Variants in SARM1 observed in about 807,000 individuals in gnomAD.
SARM1 encodes NAD(+) hydrolase SARM1.
In SARM1, 60 loss-of-function variants were observed where a neutral mutation model predicts 65.1. The ratio of observed to expected loss-of-function variants is 0.92; its 90% CI spans 0.75 to 1.14. The LOEUF is 1.14. SARM1 is among the 50% of genes most tolerant of loss of function. The probability of loss-of-function intolerance (pLI) is 0.00; values close to 1 mark genes in which losing one functional copy is unlikely to be tolerated. For synonymous variants in SARM1, 417 were observed against 465.4 expected, an observed-to-expected ratio of 0.90 and a Z score of 1.34; for missense variants, 913 against 1,015.7, an observed-to-expected ratio of 0.90 and a Z score of 1.37.
chr17:28,377,199 G>A (rs995814218), intron 1 of SARM1, among the ~76,000 whole-genome samples: 13 of 152,210 alleles, frequency 8.5e-5, no homozygotes, highest in Non-Finnish European at 1.8e-4. Flanking sequence ...CTGGAGACAG[G>A]CAGATCTGGG....
At chr17:28,382,979 C>T (rs1555585506) in intron 2 of SARM1, among the ~76,000 whole-genome samples, 2 of 152,194 alleles carry the variant, frequency 1.3e-5, no homozygotes, top group African/African-American at 4.8e-5. Context: ...GTGCATACCC[C>T]ATGACCCACC....
In SARM1 at chr17:28,381,534, C is replaced by T; in HGVS notation, c.802C>T (p.Leu268=). Residue 268 remains leucine, a synonymous_variant, in exon 2 of 9, where the codon CTG becomes TTG. Transcript: ENST00000585482. ...AFSKEDELLR[L]HACLAVAVLA... is the part of the protein sequence containing the mutation. ...CTCCAAGGAGGACGAGCTGCTTCGG[C>T]TGCACGCCTGCCTCGCAGTAGCGGT... The T allele has an allele frequency of 6.3e-7, 1 of 1,577,946 alleles. No homozygotes were observed. The highest frequency in any genetic ancestry group is 8.6e-7 in the Non-Finnish European group (1 of 1,163,224).
chr17:28,393,088 T>C (rs1555587138), intron 7 of SARM1, among the ~76,000 whole-genome samples: 1 of 152,188 alleles, frequency 6.6e-6, no homozygotes, highest in Non-Finnish European at 1.5e-5. Context: ...CGCTTTGAGG[T>C]AGGTTTTATT....
chr17:28,381,934 G>C (rs144619728), intron 2 of SARM1, 113 bp downstream of exon 2: 1 of 1,274,692 alleles, frequency 7.8e-7, no homozygotes, highest in Non-Finnish European at 1.0e-6. Context: ...ATTAGATGAA[G>C]CAAGACAAAG....
In SARM1 at chr17:28,372,629, G is replaced by A. The variant is rs1485221900; in HGVS notation, c.470+127G>A. 4.4e-6 allele frequency: 3 copies of A among 678,324 alleles called. No homozygotes were observed. Among genetic ancestry groups the A allele is most frequent in the Non-Finnish European group, 7.1e-6 (3 of 425,054 alleles). 42.0% of individuals were successfully genotyped at this position (678,324 alleles called of 1,614,324 possible). A position where few individuals can be genotyped will look rare whatever the true frequency, so the allele number is the denominator to read the frequency against. On this transcript the variant is annotated intron_variant, in intron 1 of 8. Transcript: ENST00000585482. This position sits in a 1 kb window ranked among gnomAD's most constrained non-coding sequence, Gnocchi z 5.2. ...CTCTGACTGCCTGCACTACATCTCTGTTAGGGGTCAGCCTGTCTGTTTCAC... is the reference window on the plus strand; with the variant it reads ...CTCTGACTGCCTGCACTACATCTCTATTAGGGGTCAGCCTGTCTGTTTCAC...
intron 7 of SARM1, among the ~76,000 whole-genome samples, chr17:28,391,242 G>A (rs1938254403): frequency 6.6e-6 from 1 of 152,178 alleles, no homozygotes; most frequent in Non-Finnish European, 1.5e-5. Flanking sequence ...TGATTGGCTG[G>A]TTGGGTTTTC....
At chr17:28,395,872 G>A (rs782759801) in intron 7 of SARM1, 33 bp from the exon 8 acceptor site, 13 of 1,611,518 alleles carry the variant, frequency 8.1e-6, no homozygotes, top group Non-Finnish European at 1.1e-5. Context: ...GATGGGTACA[G>A]GGGTATCTTC....
intron 7 of SARM1, 77 bp from the exon 8 acceptor site, chr17:28,395,828 C>T: frequency 6.4e-7 from 1 of 1,574,690 alleles, no homozygotes; most frequent in Non-Finnish European, 8.7e-7. Flanking sequence ...GGCCAGTGGG[C>T]CTCCCAGCAC....
intron 2 of SARM1, among the ~76,000 whole-genome samples, chr17:28,382,310 G>A (rs1188006321): frequency 2.6e-5 from 4 of 152,164 alleles, no homozygotes; most frequent in African/African-American, 9.7e-5. Context: ...AGTGAACTGG[G>A]TGAGAGACAA....
At chr17:28,390,615 A>G (rs2142436199) in intron 7 of SARM1, among the ~76,000 whole-genome samples, 1 of 152,242 alleles carries the variant, frequency 6.6e-6, no homozygotes, top group South Asian at 2.1e-4. Context: ...ACCTCCTCCG[A>G]TAAGACTTTA....
intron 1 of SARM1, chr17:28,374,262 G>A (rs1273259409): frequency 2.5e-5 from 3 of 121,916 alleles, no homozygotes; most frequent in African/African-American, 9.5e-5. Flanking sequence ...CACGCTGGAT[G>A]ACAGAGCAAG....
At chr17:28,378,871 A>G (rs1299893784) in intron 1 of SARM1, among the ~76,000 whole-genome samples, 1 of 151,946 alleles carries the variant, frequency 6.6e-6, no homozygotes, top group African/African-American at 2.4e-5. Flanking sequence ...TGCCCAGGCT[A>G]TGTTGTCCAG....
Position 28,396,276 on chromosome 17 carries a change from G to T in SARM1, c.2165G>T (p.Gly722Val), listed in dbSNP as rs1298702390. ...DTSLEGAAPMGPT is the reference protein window; with the variant it reads ...DTSLEGAAPMVPT ...AGTTTGGAGGGTGCTGCACCCATGG[G>T]TCCAACCTAACCAGTCCCCAGTTCC... Residue 722 changes from glycine (G) to valine (V), a missense_variant, in exon 9 of 9, where the codon GGT becomes GTT. By Grantham distance (109) the Gly-to-Val change is moderately radical. Coordinates refer to ENST00000585482, the MANE Select transcript of SARM1 (RefSeq NM_015077.4). 5.0e-6 allele frequency: 8 copies of T among 1,613,802 alleles called. No homozygotes were observed. Among genetic ancestry groups the T allele is most frequent in the African/African-American group, 1.3e-5 (1 of 74,904 alleles).
intron 2 of SARM1, among the ~76,000 whole-genome samples, chr17:28,382,161 G>A (rs2068028431): frequency 6.6e-6 from 1 of 152,164 alleles, no homozygotes; most frequent in Admixed American, 6.5e-5. Flanking sequence ...GGGCGTTGGG[G>A]GAAGGGGGAG....
Position 28,385,011 on chromosome 17 carries a change from C to A in SARM1, c.1395-29C>A. The A allele has an allele frequency of 1.2e-6, 2 of 1,610,420 alleles. No homozygotes were observed. Among genetic ancestry groups the A allele is most frequent in the Non-Finnish European group, 1.7e-6 (2 of 1,177,424 alleles). On this transcript the variant is annotated intron_variant, in intron 4 of 8. Transcript: ENST00000585482. The surrounding 1 kb of genome is among the most constrained non-coding windows in gnomAD (Gnocchi z 4.5). ...GCCCACAGCCCGTCCGAGTCTGGAC[C>A]TCAGCGTCTTCTCCTCCGTGGGGTG...
chr17:28,388,101 CA>C, intron 5 of SARM1, 72 bp from the exon 6 acceptor site: 1 of 1,187,900 alleles, frequency 8.4e-7, no homozygotes, highest in South Asian at 1.3e-5. Context: ...ACTAAGTCCA[CA>C]AGGGATGATA....
At position 28,371,906 on chromosome 17, in the gene SARM1, C is replaced by T. The variant is rs2067956437; in HGVS notation, c.-127C>T. 2 of 644,906 alleles carry T rather than the reference C, an allele frequency of 3.1e-6. No individual in the cohort carries two copies. The highest frequency in any genetic ancestry group is 1.9e-5 in the African/African-American group (1 of 51,772). The allele number at this position is 644,906 out of a possible 1,614,324, so 39.9% of individuals were successfully genotyped here. On this transcript the variant is annotated 5_prime_UTR_variant, in exon 1 of 9. Transcript: ENST00000585482. Reference sequence around the variant, plus strand: ...CTGACCGGCACCCTTGCCTGGTACCCTTCTCTCCATTCCTCCCCCTCCATC... The same window carrying T: ...CTGACCGGCACCCTTGCCTGGTACCTTTCTCTCCATTCCTCCCCCTCCATC...
rs549184999 is a variant in SARM1 at position 28,385,722 on chromosome 17, G to A, written c.1630+447G>A. On this transcript the variant is annotated intron_variant, in intron 5 of 8. Transcript: ENST00000585482. This position sits in a 1 kb window ranked among gnomAD's most constrained non-coding sequence, Gnocchi z 4.5. ...GCAGTGGGGTGTAGGCGGGAAGGGT[G>A]TGCGTATGTGTGTTATCCTATTGGC... Among the ~76,000 whole-genome samples the A allele has an allele frequency of 6.6e-6, 1 of 152,264 alleles. No homozygotes were observed. Among genetic ancestry groups the A allele is most frequent in the Non-Finnish European group, 1.5e-5 (1 of 68,008 alleles).
intron 1 of SARM1, among the ~76,000 whole-genome samples, chr17:28,379,535 C>G (rs984739084): frequency 3.9e-5 from 6 of 152,168 alleles, no homozygotes; most frequent in Admixed American, 3.9e-4. Flanking sequence ...TGGTCTCGAG[C>G]TCCTGACCTT....
Sources: allele counts gnomAD v4.1 joint callset (sites outside exome capture counted in the v4.1 genomes callset), GRCh38; gene constraint gnomAD v4.1.1; non-coding constraint Gnocchi (gnomAD v3.1); transcripts MANE v1.5; gene names NCBI Gene and HGNC (gene_info 2026-07-23, HGNC 2026-07-21).